Variants in WWOX observed in about 807,000 individuals in gnomAD.
WWOX encodes the protein WW domain-containing oxidoreductase.
Under a neutral mutation model 46.2 loss-of-function variants are expected in WWOX, and 69 were observed. That is an observed-to-expected ratio of 1.49 (90% confidence interval 1.23 to 1.82). WWOX has a LOEUF of 1.82. WWOX is among the 40% of genes most tolerant of loss of function. WWOX has a pLI of 0.00. For missense variants in WWOX, 919 were observed against 542.6 expected (o/e 1.69, Z -6.89); for synonymous variants, 359 against 202.6 (o/e 1.77, Z -6.56).
intron 8 of WWOX, among the ~76,000 whole-genome samples, chr16:78,922,841 C>G (rs947429274): frequency 6.6e-6 from 1 of 152,108 alleles, no homozygotes; most frequent in Non-Finnish European, 1.5e-5. Context: ...GGCACCATTG[C>G]TAAGTAATGT....
At chr16:78,988,520 C>T (rs895302723) in intron 8 of WWOX, among the ~76,000 whole-genome samples, 2 of 152,042 alleles carry the variant, frequency 1.3e-5, no homozygotes, top group Admixed American at 1.3e-4. Context: ...GGAATTCAGC[C>T]TACCACTGGT....
intron 8 of WWOX, among the ~76,000 whole-genome samples, chr16:78,765,893 A>C (rs1382253216): frequency 6.6e-6 from 1 of 152,202 alleles, no homozygotes; most frequent in African/African-American, 2.4e-5. Context: ...CGGAGGCAGA[A>C]ATTTACGTGG....
intron 8 of WWOX, among the ~76,000 whole-genome samples, chr16:78,786,350 C>T (rs2050455976): frequency 6.6e-6 from 1 of 152,150 alleles, no homozygotes; most frequent in Admixed American, 6.5e-5. Flanking sequence ...AATATGAGAT[C>T]ACTGAAAGTG....
At chr16:79,190,863 C>G (rs28609292) in intron 8 of WWOX, among the ~76,000 whole-genome samples, 8,969 of 152,152 alleles carry the variant, frequency 0.059, 356 homozygotes, top group East Asian at 0.2. Flanking sequence ...TACTATCTGC[C>G]CTTTTGCAGG....
chr16:78,409,230 T>C (rs2082618132), intron 6 of WWOX, among the ~76,000 whole-genome samples: 1 of 152,148 alleles, frequency 6.6e-6, no homozygotes, highest in Non-Finnish European at 1.5e-5. Flanking sequence ...AATTGAGTTT[T>C]AAAGCTAGCA....
At chr16:78,737,680 A>G (rs1463557766) in intron 8 of WWOX, among the ~76,000 whole-genome samples, 1 of 152,180 alleles carries the variant, frequency 6.6e-6, no homozygotes, top group Non-Finnish European at 1.5e-5. Context: ...GGGTTATATT[A>G]AAAGAGGAAA....
chr16:78,894,600 A>G (rs2044660993), intron 8 of WWOX, among the ~76,000 whole-genome samples: 1 of 152,128 alleles, frequency 6.6e-6, no homozygotes, highest in African/African-American at 2.4e-5. Flanking sequence ...TATTCCATGA[A>G]ACAAATTGAT....
At chr16:78,362,634 G>T (rs914312640) in intron 5 of WWOX, among the ~76,000 whole-genome samples, 1 of 151,864 alleles carries the variant, frequency 6.6e-6, no homozygotes, top group Non-Finnish European at 1.5e-5. Context: ...AAAAAGAAAA[G>T]AAAGGAAAAA....
chr16:78,867,299 A>G (rs1475885671), intron 8 of WWOX, among the ~76,000 whole-genome samples: 1 of 152,052 alleles, frequency 6.6e-6, no homozygotes, highest in African/African-American at 2.4e-5. Flanking sequence ...AACGCCGTCT[A>G]TTTTCATATC....
At chr16:78,438,589 G>T (rs1339789847) in intron 8 of WWOX, among the ~76,000 whole-genome samples, 1 of 152,098 alleles carries the variant, frequency 6.6e-6, no homozygotes, top group Non-Finnish European at 1.5e-5. Context: ...TCTTAGGAGT[G>T]TTTTGTGCAA....
chr16:78,928,559 T>C (rs1437031546), intron 8 of WWOX, among the ~76,000 whole-genome samples: 1 of 152,178 alleles, frequency 6.6e-6, no homozygotes, highest in Non-Finnish European at 1.5e-5. Context: ...GATTTTTCGT[T>C]ACAGATATTT....
At chr16:79,077,339 C>T (rs574743721) in intron 8 of WWOX, 33 of 152,248 alleles carry the variant, frequency 2.2e-4, no homozygotes, top group African/African-American at 7.5e-4. Context: ...GCATGGAAAG[C>T]AAACACAATG....
chr16:78,521,095 A>G (rs72801985), intron 8 of WWOX, among the ~76,000 whole-genome samples: 10,120 of 152,278 alleles, frequency 0.066, 442 homozygotes, highest in South Asian at 0.21. Flanking sequence ...TGCCCAGTGA[A>G]GAAATGACTT....
chr16:78,674,122 A>C (rs1597427723), intron 8 of WWOX, among the ~76,000 whole-genome samples: 1 of 152,206 alleles, frequency 6.6e-6, no homozygotes, highest in Non-Finnish European at 1.5e-5. Context: ...TAATTGAAAT[A>C]TTTGGAAATA....
At chr16:78,618,552 C>T (rs979694143) in intron 8 of WWOX, among the ~76,000 whole-genome samples, 1 of 152,064 alleles carries the variant, frequency 6.6e-6, no homozygotes, top group Non-Finnish European at 1.5e-5. Context: ...CCTGAACTGT[C>T]TCTTAAAAGG....
intron 8 of WWOX, among the ~76,000 whole-genome samples, chr16:78,824,354 C>T (rs555961441): frequency 1.6e-3 from 240 of 152,266 alleles, no homozygotes; most frequent in Non-Finnish European, 2.6e-3. Flanking sequence ...GTCCAAGCTC[C>T]TCCCAAAGGT....
intron 8 of WWOX, among the ~76,000 whole-genome samples, chr16:78,766,621 C>T (rs1304905443): frequency 6.6e-6 from 1 of 152,114 alleles, no homozygotes; most frequent in Non-Finnish European, 1.5e-5. Flanking sequence ...TGCTCAGAGG[C>T]CTTGTGAGTT....
At chr16:78,813,147 A>G (rs80231011) in intron 8 of WWOX, among the ~76,000 whole-genome samples, 6,726 of 152,024 alleles carry the variant, frequency 0.044, 184 homozygotes, top group Non-Finnish European at 0.064. Flanking sequence ...TTTTTTAGGA[A>G]AAAAAAATTC....
chr16:78,698,242 T>A (rs141464234), intron 8 of WWOX, among the ~76,000 whole-genome samples: 2 of 152,302 alleles, frequency 1.3e-5, no homozygotes, highest in East Asian at 3.9e-4. Context: ...CTGGTGACAG[T>A]GAAGACTCAG....
Sources: allele counts gnomAD v4.1 joint callset (sites outside exome capture counted in the v4.1 genomes callset), GRCh38; gene constraint gnomAD v4.1.1; transcripts MANE v1.5; gene names NCBI Gene and HGNC (gene_info 2026-07-23, HGNC 2026-07-21).